KMT2C: variants seen among roughly 807,000 people sequenced by gnomAD.
KMT2C encodes histone-lysine N-methyltransferase 2C.
KMT2C carries 88 observed loss-of-function variants against 507.9 expected under a neutral mutation model. The ratio of observed to expected loss-of-function variants is 0.17; its 90% CI spans 0.15 to 0.21. KMT2C has a LOEUF of 0.21. KMT2C is among the 10% of genes least tolerant of loss of function. The pLI is 1.00. For synonymous variants in KMT2C, 2,049 were observed against 2,080.8 expected (o/e 0.98, Z 0.42); for missense variants, 4,954 against 5,957.8 (o/e 0.83, Z 5.55).
At chr7:152,297,562 A>C (rs1324156538) in intron 6 of KMT2C, among the ~76,000 whole-genome samples, 3 of 152,218 alleles carry the variant, frequency 2.0e-5, no homozygotes, top group African/African-American at 7.2e-5. Context: ...GAAAACTATT[A>C]ATTCATGGAA....
chr7:152,198,362 G>A (rs953467783), intron 27 of KMT2C, among the ~76,000 whole-genome samples: 9 of 152,172 alleles, frequency 5.9e-5, no homozygotes, highest in Non-Finnish European at 8.8e-5. Flanking sequence ...AGTTAATGAA[G>A]CATTAACTAC....
At chr7:152,381,352 G>A (rs1564057906) in intron 1 of KMT2C, among the ~76,000 whole-genome samples, 1 of 149,738 alleles carries the variant, frequency 6.7e-6, no homozygotes, top group African/African-American at 2.5e-5. Flanking sequence ...TGTCACGGGG[G>A]CAGGGAGGGG....
intron 44 of KMT2C, 27 bp from the exon 45 acceptor site, chr7:152,156,373 A>T (rs1289594262): frequency 6.2e-7 from 1 of 1,612,470 alleles, no homozygotes. Flanking sequence ...AATTTAAATT[A>T]TATGCTACTG....
intron 9 of KMT2C, 66 bp downstream of exon 9, chr7:152,262,950 C>A: frequency 8.5e-7 from 1 of 1,176,732 alleles, no homozygotes; most frequent in South Asian, 1.5e-5. Context: ...AATAGGTATC[C>A]GATTTGTCTG....
At chr7:152,173,314 CTA>C (rs746245824) in intron 39 of KMT2C, among the ~76,000 whole-genome samples, 5 of 152,090 alleles carry the variant, frequency 3.3e-5, no homozygotes, top group Admixed American at 6.5e-5. Flanking sequence ...AACAAGATAA[CTA>C]GACTAAATTG....
At chr7:152,226,218 C>CATTTTTT (rs1563479395) in intron 18 of KMT2C, among the ~76,000 whole-genome samples, 2 of 128,026 alleles carry the variant, frequency 1.6e-5, no homozygotes, top group Admixed American at 7.9e-5. Context: ...CATTACAAGG[C>CATTTTTT]CTTTTTTTTT....
chr7:152,280,316 G>A (rs2096181523), intron 6 of KMT2C, among the ~76,000 whole-genome samples: 1 of 152,104 alleles, frequency 6.6e-6, no homozygotes, highest in Non-Finnish European at 1.5e-5. Flanking sequence ...GCCAAGGCAG[G>A]CGGATCACGA....
intron 6 of KMT2C, among the ~76,000 whole-genome samples, chr7:152,275,457 G>C (rs1429842786): frequency 6.6e-6 from 1 of 152,082 alleles, no homozygotes; most frequent in Non-Finnish European, 1.5e-5. Flanking sequence ...AGCAGGAGAA[G>C]CTTCTAAATA....
chr7:152,224,636 T>A lies in KMT2C; in HGVS notation c.2977-20A>T, dbSNP rs1289458143. 2 of 1,241,048 alleles carry A rather than the reference T, an allele frequency of 1.6e-6. No homozygotes were observed. The highest frequency in any genetic ancestry group is 2.4e-6 in the Non-Finnish European group (2 of 850,948). The allele number at this position is 1,241,048 out of a possible 1,614,324, so 76.9% of individuals were successfully genotyped here. ...AGTGATCTGTAAAAGAAACAACCAA[T>A]CCATGTGATTTATGCATTAACCTAA... is the stretch of plus-strand genomic sequence containing the variant. On this transcript the variant is annotated intron_variant, in intron 18 of 58. Coordinates refer to ENST00000262189, the MANE Select transcript of KMT2C (RefSeq NM_170606.3).
chr7:152,176,557 C>G lies in KMT2C; in HGVS notation c.8896G>C (p.Asp2966His). Reference sequence around the variant, plus strand: ...GTCACATTAGAATTCATGGCATTATCCAAAACACGGCCAGGCGGTGCTATG... The same window carrying G: ...GTCACATTAGAATTCATGGCATTATGCAAAACACGGCCAGGCGGTGCTATG... ...PFIAPPGRVL[D>H]NAMNSNVTVV... Residue 2966 changes from aspartate (D) to histidine (H), a missense_variant, in exon 38 of 59, where the codon GAT becomes CAT. This residue lies in a region of KMT2C where 1,689 missense variants were observed against 1,654.3 expected (regional missense o/e 1.02). Coordinates refer to ENST00000262189, the MANE Select transcript of KMT2C (RefSeq NM_170606.3). The G allele has an allele frequency of 6.2e-7, 1 of 1,614,150 alleles. No individual in the cohort carries two copies. The highest frequency in any genetic ancestry group is 8.5e-7 in the Non-Finnish European group (1 of 1,180,016).
rs755332820 is a variant in KMT2C, at chr7:152,180,870, T to C, written c.6990A>G (p.Ser2330=). 13 of 1,614,072 alleles carry C rather than the reference T, an allele frequency of 8.1e-6. No individual in the cohort carries two copies. The Admixed American group carries it at 2.2e-4, about 27-fold the overall frequency. ...TTGAAGATGCACAGAAGCTCCCCTC[T>C]GATCCAGGCCTTGGCTGATCAGCAA... is the stretch of plus-strand genomic sequence containing the variant. The part of the protein sequence containing the change: ...HDVADQPRPG[S]EGSFCASSNS... Residue 2330 remains serine (S), a synonymous_variant, in exon 36 of 59, where the codon TCA becomes TCG. Transcript: ENST00000262189.
Position 152,162,889 on chromosome 7 carries a change from A to G in KMT2C, c.10688T>C (p.Val3563Ala), listed in dbSNP as rs538588138. Residue 3563 changes from valine to alanine, a missense_variant, in exon 43 of 59, where the codon GTA (valine) becomes GCA (alanine). Coordinates refer to ENST00000262189, the MANE Select transcript of KMT2C (RefSeq NM_170606.3). ...GCCACATGGGAGACTGCTATTAGCT[A>G]CTGGAGGTGCTGCTGGTAAAGCAGG... ...FTPALPAAPPVANSSLPCGQD... is the reference protein window; with the variant it reads ...FTPALPAAPPAANSSLPCGQD... 1.9e-6 allele frequency: 3 copies of G among 1,614,144 alleles called. No homozygotes were observed. In the African/African-American group the frequency reaches 4.0e-5, roughly 22 times the overall value.
chr7:152,280,812 T>C (rs2096195496), intron 6 of KMT2C, among the ~76,000 whole-genome samples: 1 of 152,228 alleles, frequency 6.6e-6, no homozygotes. Context: ...AGGCCCTCCA[T>C]GCTTTGGTCT....
chr7:152,322,124 T>A (rs2096778342), intron 3 of KMT2C, among the ~76,000 whole-genome samples: 1 of 149,990 alleles, frequency 6.7e-6, no homozygotes, highest in African/African-American at 2.4e-5. Context: ...AGCACTTGGG[T>A]AGGCTGAGGC....
At chr7:152,307,409 A>G (rs1214175514) in intron 6 of KMT2C, among the ~76,000 whole-genome samples, 1 of 151,798 alleles carries the variant, frequency 6.6e-6, no homozygotes, top group African/African-American at 2.4e-5. Flanking sequence ...GAGAAGGAAG[A>G]AGGACAAAAC....
chr7:152,433,858 AGTGTGCGC>A (rs1275734212), intron 1 of KMT2C, among the ~76,000 whole-genome samples: 3 of 152,214 alleles, frequency 2.0e-5, no homozygotes, highest in Non-Finnish European at 4.4e-5. Flanking sequence ...CGTGCGTGTG[AGTGTGCGC>A]GTGTGCGCGT....
rs1387534864 is a variant in KMT2C, at chr7:152,297,015, A to AAGAAAG, written c.849+12945_849+12950dup. Among the ~76,000 whole-genome samples the AAGAAAG allele has an allele frequency of 7.4e-4, 66 of 89,036 alleles. 1 individual carries two copies. Among genetic ancestry groups the AAGAAAG allele is most frequent in the Non-Finnish European group, 1.2e-3 (58 of 47,590 alleles). The allele number at this position is 89,036 out of a possible 152,430, so 58.4% of individuals were successfully genotyped here. A position where few individuals can be genotyped will look rare whatever the true frequency, so the allele number is the denominator to read the frequency against. ...AGAAAGAAAAAGAAAGAAAGAAAGA[A>AAGAAAG]AGAAAGAAAGAAAGAAAGAAAGAAA... On this transcript the variant is annotated intron_variant, in intron 6 of 58. Coordinates refer to ENST00000262189, the MANE Select transcript of KMT2C (RefSeq NM_170606.3).
At chr7:152,247,167 A>C (rs867039667) in intron 14 of KMT2C, among the ~76,000 whole-genome samples, 1 of 152,274 alleles carries the variant, frequency 6.6e-6, no homozygotes, top group Admixed American at 6.5e-5. Context: ...ACACTTCAGA[A>C]AGCAGCAATT....
intron 3 of KMT2C, among the ~76,000 whole-genome samples, chr7:152,320,933 G>A (rs1394496750): frequency 6.6e-6 from 1 of 151,840 alleles, no homozygotes; most frequent in Non-Finnish European, 1.5e-5. Context: ...TATAATAAAT[G>A]GATAACTTAA....
Sources: allele counts gnomAD v4.1 joint callset (sites outside exome capture counted in the v4.1 genomes callset), GRCh38; gene constraint gnomAD v4.1.1; regional missense constraint gnomAD v4.1.1; transcripts MANE v1.5; gene names NCBI Gene and HGNC (gene_info 2026-07-23, HGNC 2026-07-21).